Variants in WDR49 observed in about 807,000 individuals in gnomAD.
WDR49 encodes WD repeat domain 49.
WDR49 carries 107 observed loss-of-function variants against 119.5 expected under a neutral mutation model. The observed-to-expected ratio is 0.90, with a 90% CI of 0.77 to 1.05. WDR49 has a LOEUF of 1.05. Ranked by LOEUF, WDR49 falls within the 50% of genes least tolerant of loss-of-function variation. The probability of loss-of-function intolerance (pLI) is 0.00; values close to 1 mark genes in which losing one functional copy is unlikely to be tolerated. For synonymous variants in WDR49, 425 were observed against 418.8 expected, an observed-to-expected ratio of 1.01 and a Z score of -0.18; for missense variants, 1,240 against 1,220.5, an observed-to-expected ratio of 1.02 and a Z score of -0.24.
chr3:167,517,827 G>A (rs1421237664), intron 16 of WDR49, among the ~76,000 whole-genome samples: 1 of 151,450 alleles, frequency 6.6e-6, no homozygotes, highest in Admixed American at 6.6e-5. Flanking sequence ...CTGGTGTGCT[G>A]CATCCATTAA....
At chr3:167,637,706 C>T (rs1006372030) in intron 2 of WDR49, among the ~76,000 whole-genome samples, 1 of 151,646 alleles carries the variant, frequency 6.6e-6, no homozygotes, top group African/African-American at 2.4e-5. Context: ...AAGTCTTTCA[C>T]CTCACCTCCT....
rs1224661202 is a variant in WDR49 at position 167,621,514 on chromosome 3, G to A, written c.736C>T (p.Leu246Phe). The A allele has an allele frequency of 1.3e-6, 2 of 1,534,784 alleles. No individual in the cohort carries two copies. The highest frequency in any genetic ancestry group is 1.7e-6 in the Non-Finnish European group (2 of 1,146,160). Residue 246 changes from leucine (L) to phenylalanine (F), a missense_variant, in exon 4 of 19, where the codon CTT (leucine) becomes TTT (phenylalanine). Coordinates refer to ENST00000682715, the MANE Select transcript of WDR49 (RefSeq NM_001366157.1). ...PICMDYWYDP[L>F]DANESILSFG... ...GAAAGAATTGATTCATTGGCATCAAGAGGATCATACCAATAATCCATGCAA... is the reference window on the plus strand; with the variant it reads ...GAAAGAATTGATTCATTGGCATCAAAAGGATCATACCAATAATCCATGCAA...
At chr3:167,532,197 A>T (rs1227474557) in intron 12 of WDR49, among the ~76,000 whole-genome samples, 1 of 152,148 alleles carries the variant, frequency 6.6e-6, no homozygotes, top group South Asian at 2.1e-4. Context: ...CTAAAGTTCA[A>T]TTCAGCCTCT....
chr3:167,541,720 T>C (rs946692766), intron 10 of WDR49, among the ~76,000 whole-genome samples: 1 of 152,012 alleles, frequency 6.6e-6, no homozygotes, highest in African/African-American at 2.4e-5. Flanking sequence ...ACATTGAATG[T>C]AAAAGGCCTA....
At chr3:167,521,867 G>A (rs534361094) in intron 16 of WDR49, among the ~76,000 whole-genome samples, 1 of 152,054 alleles carries the variant, frequency 6.6e-6, no homozygotes, top group African/African-American at 2.4e-5. Context: ...CCTTAAGGAA[G>A]TGATGTCTAA....
At chr3:167,525,471 G>T (rs924945811) in intron 15 of WDR49, among the ~76,000 whole-genome samples, 6 of 151,780 alleles carry the variant, frequency 4.0e-5, no homozygotes, top group African/African-American at 1.5e-4. Flanking sequence ...ATCTATTATT[G>T]TTTAAATGTG....
intron 16 of WDR49, among the ~76,000 whole-genome samples, chr3:167,507,429 A>G (rs1238575620): frequency 6.6e-6 from 1 of 152,186 alleles, no homozygotes; most frequent in Non-Finnish European, 1.5e-5. Flanking sequence ...GATCTACAAA[A>G]ATAAGAAGTT....
At chr3:167,479,045 C>A (rs1404841038) in intron 18 of WDR49, 49 bp from the exon 19 acceptor site, 3 of 1,372,486 alleles carry the variant, frequency 2.2e-6, no homozygotes, top group Non-Finnish European at 3.0e-6. Context: ...TGTTAAGAGA[C>A]CTATTTAAAT....
chr3:167,652,526 T>C (rs919021610), intron 2 of WDR49, among the ~76,000 whole-genome samples: 3 of 152,210 alleles, frequency 2.0e-5, no homozygotes, highest in Admixed American at 1.3e-4. Context: ...GGAAGAGCAC[T>C]TCTTTCTACC....
At chr3:167,595,103 G>A (rs1186514497) in intron 7 of WDR49, among the ~76,000 whole-genome samples, 1 of 151,478 alleles carries the variant, frequency 6.6e-6, no homozygotes, top group Non-Finnish European at 1.5e-5. Context: ...AATCATGAGT[G>A]AACTCCCATT....
At chr3:167,540,530 G>T (rs138417839) in intron 10 of WDR49, among the ~76,000 whole-genome samples, 167 of 152,228 alleles carry the variant, frequency 1.1e-3, no homozygotes, top group African/African-American at 3.8e-3. Context: ...CCCACCCCAT[G>T]GGACAAAAGA....
intron 18 of WDR49, among the ~76,000 whole-genome samples, chr3:167,494,173 T>C (rs1751257289): frequency 6.6e-6 from 1 of 152,122 alleles, no homozygotes; most frequent in African/African-American, 2.4e-5. Flanking sequence ...ATTTTACAGA[T>C]GAAAAATAAA....
intron 8 of WDR49, among the ~76,000 whole-genome samples, chr3:167,572,430 T>G (rs1212041668): frequency 6.6e-6 from 1 of 152,194 alleles, no homozygotes; most frequent in Admixed American, 6.5e-5. Flanking sequence ...GTAGGCAACA[T>G]GTTGAAATAA....
intron 5 of WDR49, among the ~76,000 whole-genome samples, chr3:167,604,784 G>A (rs1201733886): frequency 6.6e-6 from 1 of 152,054 alleles, no homozygotes; most frequent in Non-Finnish European, 1.5e-5. Context: ...GGAGGTCCAA[G>A]GAAGCTTGTT....
chr3:167,580,762 C>A (rs1714490561), intron 7 of WDR49, among the ~76,000 whole-genome samples: 1 of 152,064 alleles, frequency 6.6e-6, no homozygotes, highest in African/African-American at 2.4e-5. Context: ...ATCTGAGAAT[C>A]CTGCGTTCTC....
chr3:167,644,776 A>G (rs1254540800), intron 2 of WDR49, among the ~76,000 whole-genome samples: 4 of 152,146 alleles, frequency 2.6e-5, no homozygotes, highest in Non-Finnish European at 4.4e-5. Context: ...AGCTTTGTCA[A>G]TTTACAATCT....
chr3:167,598,728 C>T (rs895582942), intron 7 of WDR49, among the ~76,000 whole-genome samples: 2 of 152,198 alleles, frequency 1.3e-5, no homozygotes, highest in African/African-American at 2.4e-5. Flanking sequence ...TGGACTAATA[C>T]ATTTTTTGAG....
chr3:167,487,623 C>T (rs1440021526), intron 18 of WDR49, among the ~76,000 whole-genome samples: 2 of 152,050 alleles, frequency 1.3e-5, no homozygotes, highest in African/African-American at 2.4e-5. Context: ...TATTCACAAA[C>T]TATTCATCTG....
chr3:167,481,375 AAT>A (rs1292978616), intron 18 of WDR49, among the ~76,000 whole-genome samples: 20 of 152,110 alleles, frequency 1.3e-4, no homozygotes, highest in Admixed American at 1.3e-3. Flanking sequence ...GAAGTGATGA[AAT>A]ATGAGGTAGC....
Sources: gnomAD v4.1 joint callset for allele counts (sites outside exome capture counted in the v4.1 genomes callset) on GRCh38, gnomAD v4.1.1 for gene constraint, MANE v1.5 for transcripts, NCBI Gene and HGNC (gene_info 2026-07-23, HGNC 2026-07-21) for gene names.